Variants in RUVBL1 observed in about 807,000 individuals in gnomAD.
RUVBL1 encodes the protein ruvB-like 1.
RUVBL1 carries 4 observed loss-of-function variants against 52.4 expected under a neutral mutation model. The ratio of observed to expected loss-of-function variants is 0.08; its 90% CI spans 0.04 to 0.17. The LOEUF (loss-of-function observed/expected upper bound fraction) is 0.17. RUVBL1 is among the 10% of genes least tolerant of loss of function. RUVBL1 has a pLI of 1.00. For synonymous variants in RUVBL1, 217 were observed against 214.4 expected, an observed-to-expected ratio of 1.01 and a Z score of -0.10; for missense variants, 298 against 572.8, an observed-to-expected ratio of 0.52 and a Z score of 4.90.
At chr3:128,152,939 CCCCCGCCCCCGTCTTCCCGCCCCCCCCG>C (rs1944261384) in intron 1 of RUVBL1, among the ~76,000 whole-genome samples, 2 of 41,348 alleles carry the variant, frequency 4.8e-5, no homozygotes, top group Non-Finnish European at 9.7e-5. Flanking sequence ...CCCGCCCTCC[CCCCCGCCCCCGTCTTCCCGCCCCCCCCG>C]CCCCCGTCTT....
At chr3:128,140,784 A>G (rs900675214) in intron 1 of RUVBL1, among the ~76,000 whole-genome samples, 1 of 152,206 alleles carries the variant, frequency 6.6e-6, no homozygotes, top group Non-Finnish European at 1.5e-5. Flanking sequence ...AGTAGGGGAA[A>G]TAATTGATAT....
intron 9 of RUVBL1, among the ~76,000 whole-genome samples, chr3:128,066,391 T>G (rs1438581672): frequency 1.3e-5 from 2 of 150,572 alleles, no homozygotes; most frequent in African/African-American, 4.9e-5. Flanking sequence ...AAAAAAAAAG[T>G]GGGGGTGGGG....
intron 3 of RUVBL1, among the ~76,000 whole-genome samples, chr3:128,110,876 A>ACATATTTTTTAGCTAAAGACTTCTGTTTT (rs1265758061): frequency 6.6e-6 from 1 of 152,108 alleles, no homozygotes; most frequent in Non-Finnish European, 1.5e-5. Flanking sequence ...TATAGCCCAG[A>ACATATTTTTTAGCTAAAGACTTCTGTTTT]CATATTTTTT....
At chr3:128,113,668 TG>T (rs573241058) in intron 2 of RUVBL1, among the ~76,000 whole-genome samples, 2 of 152,244 alleles carry the variant, frequency 1.3e-5, no homozygotes, top group South Asian at 2.1e-4. Context: ...TATTTTTTAT[TG>T]TTTTTTTCCT....
chr3:128,104,566 A>G (rs776821077), intron 4 of RUVBL1, among the ~76,000 whole-genome samples: 1 of 152,204 alleles, frequency 6.6e-6, no homozygotes, highest in Non-Finnish European at 1.5e-5. Context: ...TAAGTAAGAA[A>G]AGAGCTATCT....
intron 5 of RUVBL1, 142 bp downstream of exon 5, chr3:128,101,417 T>G: frequency 1.4e-6 from 1 of 709,612 alleles, no homozygotes; most frequent in Non-Finnish European, 2.4e-6. Context: ...GGGCCACTAG[T>G]TGACCTTCCA....
Position 128,097,282 on chromosome 3 carries a change from G to A in RUVBL1, c.1016+18C>T. 1.2e-6 allele frequency: 2 copies of A among 1,609,830 alleles called. No homozygotes were observed. The highest frequency in any genetic ancestry group is 1.7e-5 in the Admixed American group (1 of 59,780). On this transcript the variant is annotated intron_variant, in intron 8 of 10. Transcript: ENST00000322623. ...TGGAAGTTAAAAAAGCCTTGTGGCT[G>A]GCAGGCAGCCATCCTACCTGATGAC... is the stretch of plus-strand genomic sequence containing the variant.
intron 1 of RUVBL1, among the ~76,000 whole-genome samples, chr3:128,133,079 G>A (rs1226787465): frequency 4.6e-5 from 7 of 152,228 alleles, no homozygotes. Flanking sequence ...CTTGGATCTT[G>A]AGTGAGCATC....
intron 1 of RUVBL1, among the ~76,000 whole-genome samples, chr3:128,145,472 A>T (rs1354143301): frequency 2.0e-5 from 3 of 152,238 alleles, no homozygotes; most frequent in Admixed American, 1.3e-4. Flanking sequence ...CATGACATGG[A>T]GGTAGCCAAT....
At chr3:128,153,482 CG>C in exon 1 of RUVBL1, 1 of 1,467,930 alleles carries the variant, frequency 6.8e-7, no homozygotes, top group South Asian at 1.4e-5. Context: ...GCGGGCCGGG[CG>C]GGTGTCCGAG....
At chr3:128,125,005 CT>C (rs749620135), upstream of RUVBL1, among the ~76,000 whole-genome samples, 43 of 61,372 alleles carry the variant, frequency 7.0e-4, no homozygotes, top group East Asian at 1.8e-3. Context: ...CTCACACCGC[CT>C]TTTTTTTTTT....
At chr3:128,141,083 T>C (rs1944014069) in intron 1 of RUVBL1, among the ~76,000 whole-genome samples, 1 of 152,238 alleles carries the variant, frequency 6.6e-6, no homozygotes, top group Non-Finnish European at 1.5e-5. Flanking sequence ...AATGGTTTTC[T>C]ATGTATGGAG....
At chr3:128,128,314 A>T (rs1943826520), upstream of RUVBL1, among the ~76,000 whole-genome samples, 1 of 152,246 alleles carries the variant, frequency 6.6e-6, no homozygotes, top group Non-Finnish European at 1.5e-5. Context: ...TTAAAAGATT[A>T]GTTCAGCTGC....
At position 128,081,053 on chromosome 3, in the gene RUVBL1, A is replaced by C. The variant is rs955300556; in HGVS notation, c.*197T>G. 1.9e-6 allele frequency: 1 copy of C among 529,428 alleles called. No individual in the cohort carries two copies. Among genetic ancestry groups the C allele is most frequent in the Admixed American group, 3.5e-5 (1 of 28,216 alleles). 32.8% of individuals were successfully genotyped at this position (529,428 alleles called of 1,614,324 possible). The stretch of plus-strand genomic sequence containing the variant: ...AAGATTTATAGAAAACACACCAGGT[A>C]AGGAAGGGTTCTTTCAAAGCAACCA... On this transcript the variant is annotated 3_prime_UTR_variant, in exon 11 of 11. Coordinates refer to ENST00000322623, the MANE Select transcript of RUVBL1 (RefSeq NM_003707.3). The surrounding 1 kb of genome is among the most constrained non-coding windows in gnomAD (Gnocchi z 4.8).
chr3:128,136,484 G>A (rs560933275), intron 1 of RUVBL1, among the ~76,000 whole-genome samples: 7 of 152,038 alleles, frequency 4.6e-5, no homozygotes, highest in African/African-American at 1.7e-4. Flanking sequence ...AAATTTGCCG[G>A]GCATGGTGGC....
At chr3:128,112,349 C>T (rs1422228816) in intron 3 of RUVBL1, among the ~76,000 whole-genome samples, 2 of 152,174 alleles carry the variant, frequency 1.3e-5, no homozygotes, top group Non-Finnish European at 2.9e-5. Flanking sequence ...GATAATCTCC[C>T]CTCAGAGGAG....
Position 128,100,778 on chromosome 3 carries a change from G to C in RUVBL1, c.604-34C>G, listed in dbSNP as rs1047483132. The stretch of plus-strand genomic sequence containing the variant: ...AGAGAGAAACATGAGTGCCTGGTAA[G>C]TTTTCACTGCCAAGTCCCCAAATGG... On this transcript the variant is annotated intron_variant, in intron 5 of 10. Coordinates refer to ENST00000322623, the MANE Select transcript of RUVBL1 (RefSeq NM_003707.3). 2.5e-6 allele frequency: 4 copies of C among 1,612,940 alleles called. No homozygotes were observed. The Admixed American group carries it at 6.7e-5, about 27-fold the overall frequency.
intron 5 of RUVBL1, 107 bp downstream of exon 5, chr3:128,101,452 C>T: frequency 1.0e-6 from 1 of 988,462 alleles, no homozygotes; most frequent in Non-Finnish European, 1.6e-6. Flanking sequence ...GACACCAGCC[C>T]CTCCCCACAC....
chr3:128,082,263 C>T lies in RUVBL1; in HGVS notation c.1211+220G>A. On this transcript the variant is annotated intron_variant, in intron 10 of 10. Coordinates refer to ENST00000322623, the MANE Select transcript of RUVBL1 (RefSeq NM_003707.3). The surrounding 1 kb of genome is among the most constrained non-coding windows in gnomAD (Gnocchi z 4.7). ...CTCCACCAGAGGGGAGCATCTGCTG[C>T]AGGACATGGGGACTTCACCCTTACT... 1.9e-6 allele frequency: 1 copy of T among 516,490 alleles called. No homozygotes were observed. The highest frequency in any genetic ancestry group is 3.5e-6 in the Non-Finnish European group (1 of 287,026). 32.0% of individuals were successfully genotyped at this position (516,490 alleles called of 1,614,324 possible). A position where few individuals can be genotyped will look rare whatever the true frequency, so the allele number is the denominator to read the frequency against.
Sources: gnomAD v4.1 joint callset for allele counts (sites outside exome capture counted in the v4.1 genomes callset) on GRCh38, gnomAD v4.1.1 for gene constraint, Gnocchi (gnomAD v3.1) non-coding constraint, MANE v1.5 for transcripts, NCBI Gene and HGNC (gene_info 2026-07-23, HGNC 2026-07-21) for gene names.